The following TLN2 variants were observed in gnomAD, a reference collection of about 807,000 sequenced individuals.
TLN2 encodes the protein talin 2, also known as talin-2.
TLN2 carries 118 observed loss-of-function variants against 294.7 expected under a neutral mutation model. The observed-to-expected ratio is 0.40, with a 90% confidence interval of 0.34 to 0.47. The LOEUF (loss-of-function observed/expected upper bound fraction) is 0.47. TLN2 is among the 20% of genes least tolerant of loss of function. The pLI, the probability that TLN2 is intolerant of heterozygous loss-of-function variation, is 0.84. For synonymous variants in TLN2, 1,431 were observed against 1,304.5 expected, an observed-to-expected ratio of 1.10 and a Z score of -2.09; for missense variants, 3,083 against 3,282.2, an observed-to-expected ratio of 0.94 and a Z score of 1.48.
At chr15:62,619,937 C>G (rs1398044063) in intron 3 of TLN2, among the ~76,000 whole-genome samples, 1 of 152,138 alleles carries the variant, frequency 6.6e-6, no homozygotes, top group Admixed American at 6.5e-5. Context: ...GTCTATCTCC[C>G]ATTGACCTTC....
chr15:62,449,448 T>A (rs1178720737), intron 1 of TLN2, among the ~76,000 whole-genome samples: 5 of 152,080 alleles, frequency 3.3e-5, no homozygotes, highest in Admixed American at 6.5e-5. Flanking sequence ...GCAGGAAAGT[T>A]TACACATTCC....
At chr15:62,613,090 AC>A (rs2048046073) in intron 2 of TLN2, among the ~76,000 whole-genome samples, 1 of 152,210 alleles carries the variant, frequency 6.6e-6, no homozygotes, top group African/African-American at 2.4e-5. Flanking sequence ...TAGCTCAGTG[AC>A]CATGGGTAAT....
chr15:62,630,560 T>A (rs778641530), intron 3 of TLN2, among the ~76,000 whole-genome samples: 1 of 152,192 alleles, frequency 6.6e-6, no homozygotes, highest in Non-Finnish European at 1.5e-5. Flanking sequence ...TCTCCAGCAG[T>A]CCGAGGCCAG....
At chr15:62,561,637 T>C (rs1000152636) in intron 1 of TLN2, among the ~76,000 whole-genome samples, 2 of 152,198 alleles carry the variant, frequency 1.3e-5, no homozygotes, top group Non-Finnish European at 2.9e-5. Flanking sequence ...GCGCTTTCTA[T>C]GGAGTTGAGG....
At chr15:62,495,903 A>G (rs2038988350) in intron 1 of TLN2, among the ~76,000 whole-genome samples, 1 of 151,866 alleles carries the variant, frequency 6.6e-6, no homozygotes, top group Non-Finnish European at 1.5e-5. Flanking sequence ...GCTTCTTTCC[A>G]GTCTTTAATC....
At chr15:62,571,689 T>C (rs114069470) in intron 1 of TLN2, among the ~76,000 whole-genome samples, 2,258 of 152,338 alleles carry the variant, frequency 0.015, 59 homozygotes, top group African/African-American at 0.052. Flanking sequence ...TTTCAATGCA[T>C]GACCCATCTT....
chr15:62,661,909 T>C (rs7181741), intron 9 of TLN2, among the ~76,000 whole-genome samples: 135,325 of 152,164 alleles, frequency 0.89, 62,113 homozygotes, highest in Non-Finnish European at 1. Flanking sequence ...TTTATCAGGA[T>C]ACTAAATAAT....
chr15:62,710,651 G>C (rs1256347477), intron 21 of TLN2, among the ~76,000 whole-genome samples: 1 of 150,146 alleles, frequency 6.7e-6, no homozygotes, highest in African/African-American at 2.5e-5. Flanking sequence ...AATTAGCATT[G>C]GTATTTTAGT....
At chr15:62,556,830 A>T (rs192848924) in intron 1 of TLN2, among the ~76,000 whole-genome samples, 2 of 152,286 alleles carry the variant, frequency 1.3e-5, no homozygotes, top group Admixed American at 6.5e-5. Flanking sequence ...ACTATGTATA[A>T]CTCACCATTT....
intron 1 of TLN2, among the ~76,000 whole-genome samples, chr15:62,582,233 C>CAA (rs1293436127): frequency 9.2e-6 from 1 of 108,530 alleles, no homozygotes; most frequent in African/African-American, 2.8e-5. Flanking sequence ...CACACACACA[C>CAA]ACACACACAC....
intron 2 of TLN2, among the ~76,000 whole-genome samples, chr15:62,609,227 T>G (rs554795226): frequency 6.6e-6 from 1 of 152,202 alleles, no homozygotes; most frequent in East Asian, 1.9e-4. Context: ...CAAAAGAAGG[T>G]TTCTGAACCA....
intron 54 of TLN2, among the ~76,000 whole-genome samples, chr15:62,825,867 TTTATA>T (rs2068143055): frequency 1.0e-5 from 1 of 98,590 alleles, no homozygotes; most frequent in Non-Finnish European, 1.8e-5. Flanking sequence ...TATATATATA[TTTATA>T]TATATATATA....
chr15:62,665,554 A>C (rs1482922423), intron 9 of TLN2, among the ~76,000 whole-genome samples: 3 of 152,160 alleles, frequency 2.0e-5, no homozygotes, highest in Non-Finnish European at 2.9e-5. Context: ...TCACAGGCTT[A>C]GGAAACCTCC....
At chr15:62,823,915 C>T (rs2067804921) in intron 54 of TLN2, 3 of 514,510 alleles carry the variant, frequency 5.8e-6, no homozygotes, top group Non-Finnish European at 1.2e-5. Context: ...ACCTTCAATA[C>T]TGTGCCTAGT....
At chr15:62,499,954 A>G (rs1276277209) in intron 1 of TLN2, among the ~76,000 whole-genome samples, 1 of 112,432 alleles carries the variant, frequency 8.9e-6, no homozygotes, top group East Asian at 1.9e-4. Flanking sequence ...ACAAACAAAC[A>G]AAAAAAACAG....
chr15:62,617,982 A>G (rs1331899850), intron 2 of TLN2, among the ~76,000 whole-genome samples: 1 of 116,456 alleles, frequency 8.6e-6, no homozygotes, highest in Admixed American at 9.7e-5. Flanking sequence ...TTTTTTTTGT[A>G]GAGACAGAAT....
At chr15:62,708,217 G>A (rs1461276915) in intron 20 of TLN2, among the ~76,000 whole-genome samples, 1 of 152,160 alleles carries the variant, frequency 6.6e-6, no homozygotes, top group Non-Finnish European at 1.5e-5. Context: ...AAATTTCTCT[G>A]TATGGAAGTA....
intron 1 of TLN2, among the ~76,000 whole-genome samples, chr15:62,560,511 G>A (rs560877791): frequency 5.3e-4 from 80 of 152,292 alleles, no homozygotes; most frequent in Non-Finnish European, 1.3e-4. Flanking sequence ...ATTTTTAGTA[G>A]AGACAGGGTT....
At position 62,638,763 on chromosome 15, in the gene TLN2, C is replaced by G. The variant is rs185330330; in HGVS notation, c.-36-8512C>G. ...GCATTAAATAAATATGTATTGAACC[C>G]TTCTCTGTGTCAGGTACTTTATTGT... On this transcript the variant is annotated intron_variant, in intron 3 of 58. Transcript: ENST00000636159. 2.5e-3 allele frequency: 984 copies of G among 387,292 alleles called. 3 individuals carry two copies. Among genetic ancestry groups the G allele is most frequent in the Non-Finnish European group, 4.0e-3 (782 of 196,630 alleles). The allele number at this position is 387,292 out of a possible 1,614,324, so 24.0% of individuals were successfully genotyped here. A position where few individuals can be genotyped will look rare whatever the true frequency, so the allele number is the denominator to read the frequency against.
Sources: gnomAD v4.1 joint callset for allele counts (sites outside exome capture counted in the v4.1 genomes callset) on GRCh38, gnomAD v4.1.1 for gene constraint, MANE v1.5 for transcripts, NCBI Gene and HGNC (gene_info 2026-07-23, HGNC 2026-07-21) for gene names.